Variants in ACOXL observed in about 807,000 individuals in gnomAD.
ACOXL encodes acyl-CoA oxidase like.
In ACOXL, 70 loss-of-function variants were observed where a neutral mutation model predicts 71.9. The ratio of observed to expected loss-of-function variants is 0.97; its 90% CI spans 0.80 to 1.19. The LOEUF (loss-of-function observed/expected upper bound fraction) is 1.19, where lower values mean the gene tolerates loss of function less well. Among genes scored for constraint, ACOXL ranks in the 50% most tolerant of loss-of-function variants. ACOXL has a pLI of 0.00. For synonymous variants in ACOXL, 253 were observed against 281.6 expected, an observed-to-expected ratio of 0.90 and a Z score of 1.02; for missense variants, 703 against 736.3, an observed-to-expected ratio of 0.95 and a Z score of 0.52.
rs77278625 is a variant in ACOXL at position 110,985,465 on chromosome 2, T to C, written c.1060-1643T>C. Among the ~76,000 whole-genome samples the C allele has an allele frequency of 1.7e-3, 253 of 152,286 alleles. 10 individuals carry two copies. In the East Asian group the frequency reaches 0.048, roughly 29 times the overall value. ...AATACTTAAGGAAACCAAAGGCAAGTTATTTATATTATAAATATATTTATT... is the reference window on the plus strand; with the variant it reads ...AATACTTAAGGAAACCAAAGGCAAGCTATTTATATTATAAATATATTTATT... On this transcript the variant is annotated intron_variant, in intron 12 of 17. Transcript: ENST00000439055.
At chr2:110,744,423 T>C (rs1677932717) in intron 1 of ACOXL, among the ~76,000 whole-genome samples, 1 of 152,240 alleles carries the variant, frequency 6.6e-6, no homozygotes, top group Admixed American at 6.5e-5. Flanking sequence ...TTATATGTTA[T>C]GTGTGCTAAT....
At chr2:110,927,795 ACAT>A (rs2060332644) in intron 11 of ACOXL, among the ~76,000 whole-genome samples, 1 of 152,222 alleles carries the variant, frequency 6.6e-6, no homozygotes, top group Admixed American at 6.5e-5. Flanking sequence ...TTGTGTAACT[ACAT>A]CACACCTGGC....
intron 10 of ACOXL, among the ~76,000 whole-genome samples, chr2:110,856,856 C>T (rs1431978401): frequency 1.3e-5 from 2 of 152,232 alleles, no homozygotes; most frequent in East Asian, 3.8e-4. Context: ...AGAGAATATA[C>T]AATGTAAATC....
In ACOXL at chr2:110,989,441, G is replaced by T. The variant is rs148105524; in HGVS notation, c.1169+2224G>T. 5.2e-3 allele frequency among the ~76,000 whole-genome samples: 799 copies of T among 152,218 alleles called. 4 individuals carry two copies. The highest frequency in any genetic ancestry group is 0.011 in the Admixed American group (162 of 15,298). ...ATATCAGAAATGTAATTCAGAATTG[G>T]GTTGGCTGTTCAGAATCTTTGGCCA... is the stretch of plus-strand genomic sequence containing the variant. On this transcript the variant is annotated intron_variant, in intron 13 of 17. Coordinates refer to ENST00000439055, the MANE Select transcript of ACOXL (RefSeq NM_001142807.4).
intron 12 of ACOXL, among the ~76,000 whole-genome samples, chr2:110,950,827 G>A (rs1420228276): frequency 6.6e-6 from 1 of 151,802 alleles, no homozygotes; most frequent in Non-Finnish European, 1.5e-5. Flanking sequence ...GAGAGAGAGA[G>A]AGAGAGAGGG....
At chr2:111,108,692 T>G (rs2069731389) in intron 17 of ACOXL, among the ~76,000 whole-genome samples, 1 of 152,200 alleles carries the variant, frequency 6.6e-6, no homozygotes, top group African/African-American at 2.4e-5. Context: ...GCACAAATCT[T>G]AATGGTGCAG....
chr2:110,924,904 T>C (rs113974190), intron 11 of ACOXL, among the ~76,000 whole-genome samples: 213 of 152,250 alleles, frequency 1.4e-3, no homozygotes, highest in African/African-American at 5.0e-3. Context: ...ATTTAATAAA[T>C]AATAAGACTT....
intron 11 of ACOXL, among the ~76,000 whole-genome samples, chr2:110,928,709 C>T (rs1459480634): frequency 6.6e-6 from 1 of 152,222 alleles, no homozygotes; most frequent in Admixed American, 6.5e-5. Flanking sequence ...CCACTCAAAT[C>T]TCATCTTGAA....
At chr2:110,830,019 C>A (rs1488985017) in intron 9 of ACOXL, among the ~76,000 whole-genome samples, 2 of 152,172 alleles carry the variant, frequency 1.3e-5, no homozygotes, top group South Asian at 4.1e-4. Context: ...ACTCATGTTT[C>A]AGGCTGGTAA....
At chr2:110,798,940 A>T in intron 6 of ACOXL, 74 bp from the exon 7 acceptor site, 2 of 1,465,320 alleles carry the variant, frequency 1.4e-6, no homozygotes, top group Non-Finnish European at 1.9e-6. Context: ...GATCACAGAA[A>T]TGTTATACTA....
chr2:110,915,933 T>C (rs774816520), intron 11 of ACOXL, among the ~76,000 whole-genome samples: 1 of 152,162 alleles, frequency 6.6e-6, no homozygotes, highest in Non-Finnish European at 1.5e-5. Context: ...TTGTGTAAGA[T>C]TGCTCTTATT....
chr2:110,988,960 CTA>C (rs2063058534), intron 13 of ACOXL, among the ~76,000 whole-genome samples: 1 of 149,884 alleles, frequency 6.7e-6, no homozygotes, highest in African/African-American at 2.5e-5. Flanking sequence ...ATTATCTTTT[CTA>C]TGTTTGTGGC....
At chr2:110,847,652 G>A (rs1692082794) in intron 10 of ACOXL, among the ~76,000 whole-genome samples, 1 of 152,166 alleles carries the variant, frequency 6.6e-6, no homozygotes, top group African/African-American at 2.4e-5. Context: ...TCTCACCTAA[G>A]AAAGGCTAAA....
In ACOXL at chr2:111,031,656, T is replaced by A; in HGVS notation, c.1311T>A (p.His437Gln). The change falls in exon 15 of 18, where the codon CAT (histidine) becomes CAA (glutamine). Residue 437 changes from histidine (H) to glutamine (Q), a missense_variant. Physicochemically the swap from His to Gln is conservative, Grantham distance 24 (BLOSUM62 0). Coordinates refer to ENST00000439055, the MANE Select transcript of ACOXL (RefSeq NM_001142807.4). Reference sequence around the variant, plus strand: ...AGACCAAGAAGGAGGATTTTTTCCATGCCTGGAACTCGTGTCTGCACCACG... The same window carrying A: ...AGACCAAGAAGGAGGATTTTTTCCAAGCCTGGAACTCGTGTCTGCACCACG... ...KVKTKKEDFF[H>Q]AWNSCLHHVA... 1 of 1,614,228 alleles carries A rather than the reference T, an allele frequency of 6.2e-7. No individual in the cohort carries two copies. The highest frequency in any genetic ancestry group is 8.5e-7 in the Non-Finnish European group (1 of 1,180,042).
intron 16 of ACOXL, among the ~76,000 whole-genome samples, chr2:111,091,269 C>T (rs955434978): frequency 2.6e-5 from 4 of 152,202 alleles, no homozygotes; most frequent in Non-Finnish European, 5.9e-5. Context: ...TACATCTTGT[C>T]CATCCTATTT....
rs151001253 is a variant in ACOXL, at chr2:111,023,642, A to G, written c.1282-7985A>G. On this transcript the variant is annotated intron_variant, in intron 14 of 17. Coordinates refer to ENST00000439055, the MANE Select transcript of ACOXL (RefSeq NM_001142807.4). ...CGTTAGGTGGTCCTGGGTATGGAGC[A>G]GGATGGAGGATAATTGCCAAGAGAG... 1.0e-3 allele frequency among the ~76,000 whole-genome samples: 154 copies of G among 152,232 alleles called. 2 individuals carry two copies. The East Asian group carries it at 0.024, about 23-fold the overall frequency.
intron 17 of ACOXL, chr2:111,098,893 A>G (rs1202188560): frequency 3.3e-5 from 5 of 152,352 alleles, no homozygotes; most frequent in Middle Eastern, 3.4e-3. Flanking sequence ...AGAAATGCAT[A>G]TATATACTTA....
intron 9 of ACOXL, among the ~76,000 whole-genome samples, chr2:110,831,815 A>G (rs767401242): frequency 1.1e-4 from 16 of 152,334 alleles, no homozygotes; most frequent in Non-Finnish European, 1.8e-4. Context: ...TGGAAGAGTG[A>G]TTCAATGGAG....
chr2:110,921,393 C>T (rs982182718), intron 11 of ACOXL, among the ~76,000 whole-genome samples: 2 of 124,814 alleles, frequency 1.6e-5, no homozygotes, highest in African/African-American at 5.7e-5. Flanking sequence ...TATCCACCCC[C>T]CCCCCCCTTT....
Sources: allele counts gnomAD v4.1 joint callset (sites outside exome capture counted in the v4.1 genomes callset), GRCh38; gene constraint gnomAD v4.1.1; transcripts MANE v1.5; gene names NCBI Gene and HGNC (gene_info 2026-07-23, HGNC 2026-07-21).